COBLL1: variants seen among roughly 807,000 people sequenced by gnomAD.
COBLL1 encodes the protein cordon-bleu protein-like 1.
Under a neutral mutation model 94.8 loss-of-function variants are expected in COBLL1, and 50 were observed. That is an observed-to-expected ratio of 0.53 (90% CI 0.42 to 0.67). The LOEUF is 0.67. Ranked by LOEUF, COBLL1 falls within the 30% of genes least tolerant of loss-of-function variation. The pLI, the probability that COBLL1 is intolerant of heterozygous loss-of-function variation, is 0.00. For missense variants in COBLL1, 1,362 were observed against 1,348.7 expected, an observed-to-expected ratio of 1.01 and a Z score of -0.15; for synonymous variants, 448 against 473.8, an observed-to-expected ratio of 0.95 and a Z score of 0.71.
chr2:164,787,342 T>C (rs906045024), intron 2 of COBLL1, among the ~76,000 whole-genome samples: 2 of 152,218 alleles, frequency 1.3e-5, no homozygotes, highest in Admixed American at 1.3e-4. Flanking sequence ...AAATACAAGT[T>C]ATGCAGATCT....
Position 164,774,303 on chromosome 2 carries a change from T to C in COBLL1, c.42-30428A>G, listed in dbSNP as rs78288025. Among the ~76,000 whole-genome samples, 791 of 152,256 alleles carry C rather than the reference T, an allele frequency of 5.2e-3. 12 individuals carry two copies. Among genetic ancestry groups the C allele is most frequent in the African/African-American group, 0.018 (730 of 41,546 alleles). On this transcript the variant is annotated intron_variant, in intron 2 of 13. Transcript: ENST00000652658. The stretch of plus-strand genomic sequence containing the variant: ...CCAGTGGGCCCAGGGCAAACATCAT[T>C]TTCTACCACGGAAGCCTCAATACGG...
chr2:164,687,885 A>G, intron 13 of COBLL1: 2 of 242,242 alleles, frequency 8.3e-6, no homozygotes, highest in East Asian at 2.0e-4. Context: ...TTTGTGAAGG[A>G]GAAAATTTGT....
intron 5 of COBLL1, chr2:164,725,017 T>C (rs1353324369): frequency 6.6e-6 from 1 of 150,762 alleles, no homozygotes; most frequent in African/African-American, 2.4e-5. Context: ...AAATGTTTCT[T>C]AGAATGACCT....
rs903323293 is a variant in COBLL1, at chr2:164,663,961, A to G, written n.181+1886T>C. ...AAAATAAAATTGAAATTAAAAATAA[A>G]TGAAAATAAGCTTTAAAATCCTTTT... is the stretch of plus-strand genomic sequence containing the variant. On this transcript the variant is annotated intron_variant and non_coding_transcript_variant, in intron 2 of 2. Transcript: ENST00000495084. Among the ~76,000 whole-genome samples, 5 of 152,364 alleles carry G rather than the reference A, an allele frequency of 3.3e-5. No homozygotes were observed. In the East Asian group the frequency reaches 9.6e-4, roughly 29 times the overall value.
At chr2:164,798,102 C>T (rs1267816783) in intron 2 of COBLL1, among the ~76,000 whole-genome samples, 2 of 152,126 alleles carry the variant, frequency 1.3e-5, no homozygotes, top group Non-Finnish European at 2.9e-5. Flanking sequence ...GCACCAGTTA[C>T]AACACAAAAG....
chr2:164,666,723 T>C (rs1289324498), intron 1 of COBLL1, among the ~76,000 whole-genome samples: 1 of 152,218 alleles, frequency 6.6e-6, no homozygotes, highest in Non-Finnish European at 1.5e-5. Context: ...GAACACTTTC[T>C]TTGCTCTTCC....
At chr2:164,703,141 G>C (rs1348749033) in intron 9 of COBLL1, 1 of 1,613,704 alleles carries the variant, frequency 6.2e-7, no homozygotes, top group Non-Finnish European at 8.5e-7. Flanking sequence ...GTGTCCCAGG[G>C]CACTCAAAGA....
In COBLL1 at chr2:164,711,107, T is replaced by G. The variant is rs538601315; in HGVS notation, c.997-6002A>C. ...GCGGTTGAACCAGGAAACATGCCAT[T>G]TATTGTCTCTGTGACCTTCGGCCTC... On this transcript the variant is annotated intron_variant, in intron 7 of 13. Transcript: ENST00000652658. Among the ~76,000 whole-genome samples, 6 of 152,234 alleles carry G rather than the reference T, an allele frequency of 3.9e-5. No homozygotes were observed. In the East Asian group the frequency reaches 1.2e-3, roughly 29 times the overall value.
intron 11 of COBLL1, among the ~76,000 whole-genome samples, chr2:164,698,742 C>T (rs369560862): frequency 4.6e-5 from 7 of 151,614 alleles, no homozygotes; most frequent in South Asian, 2.1e-4. Context: ...AATATAGAAC[C>T]GCAAAGCTTC....
intron 2 of COBLL1, among the ~76,000 whole-genome samples, chr2:164,766,432 G>A (rs943357290): frequency 1.3e-5 from 2 of 152,076 alleles, no homozygotes; most frequent in Non-Finnish European, 2.9e-5. Context: ...GTGAGTTCTT[G>A]TGAAATCTGG....
intron 2 of COBLL1, among the ~76,000 whole-genome samples, chr2:164,760,390 C>A (rs1424695333): frequency 2.0e-5 from 3 of 152,048 alleles, no homozygotes; most frequent in African/African-American, 7.2e-5. Flanking sequence ...AATTTGGAGG[C>A]ATGATGAGAC....
intron 3 of COBLL1, among the ~76,000 whole-genome samples, chr2:164,733,415 T>C (rs936362690): frequency 6.6e-5 from 10 of 152,230 alleles, no homozygotes; most frequent in Non-Finnish European, 1.3e-4. Flanking sequence ...ACTGCCTATA[T>C]GTTTTCTACT....
At chr2:164,743,627 G>A in intron 3 of COBLL1, 60 bp downstream of exon 3, 1 of 1,329,910 alleles carries the variant, frequency 7.5e-7, no homozygotes, top group South Asian at 1.2e-5. Context: ...GTATATCACA[G>A]AGACTTTCAA....
chr2:164,758,091 G>T (rs1257694750), intron 2 of COBLL1, among the ~76,000 whole-genome samples: 1 of 151,976 alleles, frequency 6.6e-6, no homozygotes, highest in African/African-American at 2.4e-5. Context: ...AGACTTAAAA[G>T]AAATATCTAC....
intron 7 of COBLL1, 69 bp downstream of exon 7, chr2:164,722,006 A>T: frequency 1.7e-6 from 2 of 1,178,536 alleles, no homozygotes; most frequent in Non-Finnish European, 2.4e-6. Flanking sequence ...AAAAGATGTT[A>T]GGTAAGAGGA....
intron 2 of COBLL1, among the ~76,000 whole-genome samples, chr2:164,828,751 G>A (rs1682907570): frequency 6.6e-6 from 1 of 152,098 alleles, no homozygotes; most frequent in Non-Finnish European, 1.5e-5. Flanking sequence ...ATCTGACTTG[G>A]CATAAAATAT....
rs999352637 is a variant in COBLL1, at chr2:164,722,301, G to A, written c.770C>T (p.Ala257Val). The change falls in exon 7 of 14, where the codon GCC (alanine) becomes GTC (valine). Residue 257 changes from alanine to valine, a missense_variant. Physicochemically the swap from Ala to Val is moderately conservative, Grantham distance 64. Coordinates refer to ENST00000652658, the MANE Select transcript of COBLL1 (RefSeq NM_001365672.2). ...SKKKRDQTASAPATPLVNKHR... is the reference protein window; with the variant it reads ...SKKKRDQTASVPATPLVNKHR... ...CTTATTTACTAGAGGGGTTGCAGGG[G>A]CACTTGCAGTCTAGTAAAGAATGAC... 1.2e-6 allele frequency: 2 copies of A among 1,613,276 alleles called. No homozygotes were observed. Among genetic ancestry groups the A allele is most frequent in the Non-Finnish European group, 1.7e-6 (2 of 1,179,446 alleles).
chr2:164,697,151 C>T (rs920374462), intron 11 of COBLL1: 1 of 152,086 alleles, frequency 6.6e-6, no homozygotes, highest in Admixed American at 6.5e-5. Context: ...CATTTTTAAA[C>T]TCTGCCTGAT....
intron 5 of COBLL1, chr2:164,727,137 A>G (rs1395322694): frequency 6.6e-7 from 1 of 1,505,936 alleles, no homozygotes; most frequent in African/African-American, 1.4e-5. Context: ...AGACAGTAAC[A>G]GAAGTGGCTA....
Sources: allele counts gnomAD v4.1 joint callset (sites outside exome capture counted in the v4.1 genomes callset), GRCh38; gene constraint gnomAD v4.1.1; transcripts MANE v1.5; gene names NCBI Gene and HGNC (gene_info 2026-07-23, HGNC 2026-07-21).